THEMIS: variants seen among roughly 807,000 people sequenced by gnomAD.
The protein encoded by THEMIS is protein THEMIS.
In THEMIS, 37 loss-of-function variants were observed where a neutral mutation model predicts 52.6. The observed-to-expected ratio is 0.70, with a 90% CI of 0.54 to 0.93. The LOEUF (loss-of-function observed/expected upper bound fraction) is 0.93, where lower values mean the gene tolerates loss of function less well. Ranked by LOEUF, THEMIS falls within the 40% of genes least tolerant of loss-of-function variation. The probability of loss-of-function intolerance (pLI) is 0.00; values close to 1 mark genes in which losing one functional copy is unlikely to be tolerated. For missense variants in THEMIS, 808 were observed against 763.1 expected, an observed-to-expected ratio of 1.06 and a Z score of -0.69; for synonymous variants, 292 against 272.7, an observed-to-expected ratio of 1.07 and a Z score of -0.70.
At chr6:127,892,472 A>G (rs1213300007) in intron 1 of THEMIS, among the ~76,000 whole-genome samples, 1 of 152,082 alleles carries the variant, frequency 6.6e-6, no homozygotes, top group Non-Finnish European at 1.5e-5. Flanking sequence ...CATTTGTCCC[A>G]TTTACTAGAA....
intron 1 of THEMIS, among the ~76,000 whole-genome samples, chr6:127,857,564 G>A (rs1380189752): frequency 6.6e-6 from 1 of 152,048 alleles, no homozygotes; most frequent in East Asian, 1.9e-4. Flanking sequence ...AAAGTATGAA[G>A]CAACCACAAA....
At chr6:127,800,393 G>A (rs964936443) in intron 4 of THEMIS, among the ~76,000 whole-genome samples, 3 of 152,166 alleles carry the variant, frequency 2.0e-5, no homozygotes, top group East Asian at 3.9e-4. Flanking sequence ...TCACATATTT[G>A]TTGACACTTG....
rs780942473 is a variant in THEMIS, at chr6:127,719,825, T to C, written c.1759-2A>G. ...CTTGGTTATGTCTACGTGATGACGC[T>C]GAAATGACACAGGTCACAAGTAAAT... On this transcript the variant is annotated splice_acceptor_variant, in intron 4 of 5. Coordinates refer to ENST00000368248, the MANE Select transcript of THEMIS (RefSeq NM_001010923.3). LOFTEE classifies it high-confidence loss of function. 3 of 1,611,160 alleles carry C rather than the reference T, an allele frequency of 1.9e-6. No individual in the cohort carries two copies. The highest frequency in any genetic ancestry group is 4.5e-5 in the East Asian group (2 of 44,752).
intron 1 of THEMIS, among the ~76,000 whole-genome samples, chr6:127,862,712 A>C (rs1223972178): frequency 6.6e-6 from 1 of 151,384 alleles, no homozygotes; most frequent in African/African-American, 2.4e-5. Context: ...CAGCCACCCC[A>C]CCCAGCCCCA....
rs867431387 is a variant in THEMIS at position 127,708,991 on chromosome 6, C to T, written c.*994G>A. 3 of 152,004 alleles carry T rather than the reference C, an allele frequency of 2.0e-5. No individual in the cohort carries two copies. The South Asian group carries it at 6.2e-4, about 32-fold the overall frequency. 9.4% of individuals were successfully genotyped at this position (152,004 alleles called of 1,614,324 possible). A position where few individuals can be genotyped will look rare whatever the true frequency, so the allele number is the denominator to read the frequency against. ...TCCTATGTAACATTAACCAGATAGC[C>T]TGTCTCTTCATTTTGTTAAAGGAAA... On this transcript the variant is annotated 3_prime_UTR_variant, in exon 6 of 6. Transcript: ENST00000368248.
chr6:127,903,853 G>C (rs982018839), upstream of THEMIS, among the ~76,000 whole-genome samples: 13 of 151,988 alleles, frequency 8.6e-5, no homozygotes, highest in African/African-American at 3.1e-4. Flanking sequence ...CTATGAGCTT[G>C]TATCTGACCA....
At chr6:127,792,885 T>C (rs1777205278) in intron 4 of THEMIS, among the ~76,000 whole-genome samples, 1 of 152,190 alleles carries the variant, frequency 6.6e-6, no homozygotes, top group African/African-American at 2.4e-5. Flanking sequence ...ACAGGTACAC[T>C]TTTTCCCAAG....
At chr6:127,718,427 A>G (rs1774246191) in intron 5 of THEMIS, among the ~76,000 whole-genome samples, 1 of 151,884 alleles carries the variant, frequency 6.6e-6, no homozygotes, top group Non-Finnish European at 1.5e-5. Flanking sequence ...CTGGTCTGTA[A>G]CATACGCTGT....
intron 4 of THEMIS, among the ~76,000 whole-genome samples, chr6:127,766,969 ATAAAT>A (rs1776220660): frequency 6.6e-6 from 1 of 152,312 alleles, no homozygotes; most frequent in Non-Finnish European, 1.5e-5. Context: ...TTCTTCAATA[ATAAAT>A]TAAACTTAGC....
chr6:127,770,537 G>T (rs1293241265), intron 4 of THEMIS, among the ~76,000 whole-genome samples: 1 of 152,032 alleles, frequency 6.6e-6, no homozygotes, highest in Non-Finnish European at 1.5e-5. Flanking sequence ...CTTTGTCACA[G>T]GGGTAGATTG....
rs757629539 is a variant in THEMIS, at chr6:127,813,934, A to G, written c.710-3T>C. 2.0e-6 allele frequency: 3 copies of G among 1,525,666 alleles called. No individual in the cohort carries two copies. The highest frequency in any genetic ancestry group is 1.8e-4 in the Middle Eastern group (1 of 5,652). The allele number at this position is 1,525,666 out of a possible 1,614,324, so 94.5% of individuals were successfully genotyped here. A position where few individuals can be genotyped will look rare whatever the true frequency, so the allele number is the denominator to read the frequency against. ...GATGCGGATTATATCTTTTCGAACT[A>G]AAAAGAAAAAATAAATCACTATGAT... On this transcript the variant is annotated splice_region_variant and splice_polypyrimidine_tract_variant and intron_variant, in intron 3 of 5. Transcript: ENST00000368248.
intron 2 of THEMIS, among the ~76,000 whole-genome samples, chr6:127,852,533 A>G (rs986222878): frequency 1.3e-5 from 2 of 151,624 alleles, no homozygotes; most frequent in African/African-American, 4.8e-5. Context: ...ATGTCATCTG[A>G]CTATAATAGA....
chr6:127,764,064 TAGAA>T (rs1158274733), intron 4 of THEMIS, among the ~76,000 whole-genome samples: 5 of 151,966 alleles, frequency 3.3e-5, no homozygotes, highest in African/African-American at 1.2e-4. Context: ...ATCCCAAGTT[TAGAA>T]AGAAAGACAC....
At chr6:127,834,417 C>CAAAAAA (rs34484234) in intron 2 of THEMIS, among the ~76,000 whole-genome samples, 1 of 99,426 alleles carries the variant, frequency 1.0e-5, no homozygotes, top group Non-Finnish European at 2.0e-5. Context: ...ACTAAAAATA[C>CAAAAAA]AAAAAAAAAA....
chr6:127,697,674 T>G, the THEMIS span, among the ~76,000 whole-genome samples: 2,899 of 152,282 alleles, frequency 0.019, 46 homozygotes, highest in Non-Finnish European at 0.029. Flanking sequence ...TTTGCAATTG[T>G]TAATCTCAAT....
At position 127,795,021 on chromosome 6, in the gene THEMIS, T is replaced by G. The variant is rs563719217; in HGVS notation, c.1758+17862A>C. Among the ~76,000 whole-genome samples, 5 of 152,354 alleles carry G rather than the reference T, an allele frequency of 3.3e-5. No individual in the cohort carries two copies. In the East Asian group the frequency reaches 7.7e-4, roughly 24 times the overall value. On this transcript the variant is annotated intron_variant, in intron 4 of 5. Coordinates refer to ENST00000368248, the MANE Select transcript of THEMIS (RefSeq NM_001010923.3). The stretch of plus-strand genomic sequence containing the variant: ...GACGGAAAGCAGATGTTCATCATGT[T>G]AAAATACATAATCTTTGGTTTTATT...
At chr6:127,767,132 C>T (rs1416332554) in intron 4 of THEMIS, among the ~76,000 whole-genome samples, 1 of 151,352 alleles carries the variant, frequency 6.6e-6, no homozygotes, top group African/African-American at 2.4e-5. Context: ...CGCTCTGTCA[C>T]CCAGGCTGGA....
At chr6:127,741,023 A>G (rs1394082412) in intron 4 of THEMIS, among the ~76,000 whole-genome samples, 2 of 152,188 alleles carry the variant, frequency 1.3e-5, no homozygotes, top group African/African-American at 2.4e-5. Flanking sequence ...CTTAAATTTT[A>G]TAGATAACAT....
rs377676385 is a variant in THEMIS at position 127,812,968 on chromosome 6, G to A, written c.1673C>T (p.Pro558Leu). The stretch of plus-strand genomic sequence containing the variant: ...TGTTTCCTCTACTGAGGGGTGTTTC[G>A]GAGGGCGAGGTGGGGGATGTGAGGC... The part of the protein sequence containing the change: ...SSASHPPPRP[P>L]KHPSVEETKL... The change falls in exon 4 of 6, where the codon CCG becomes CTG. Residue 558 changes from proline (P) to leucine (L), a missense_variant. Physicochemically the swap from Pro to Leu is moderately conservative, Grantham distance 98 (BLOSUM62 -3). Coordinates refer to ENST00000368248, the MANE Select transcript of THEMIS (RefSeq NM_001010923.3). The A allele has an allele frequency of 9.3e-6, 15 of 1,613,958 alleles. No homozygotes were observed. The highest frequency in any genetic ancestry group is 1.6e-4 in the Middle Eastern group (1 of 6,076).
Sources: allele counts gnomAD v4.1 joint callset (sites outside exome capture counted in the v4.1 genomes callset), GRCh38; gene constraint gnomAD v4.1.1; transcripts MANE v1.5; gene names NCBI Gene and HGNC (gene_info 2026-07-23, HGNC 2026-07-21).